The following PPFIA2 variants were observed in gnomAD, a reference collection of about 807,000 sequenced individuals.
The protein encoded by PPFIA2 is liprin-alpha-2.
Under a neutral mutation model 175.5 loss-of-function variants are expected in PPFIA2, and 46 were observed. That is an observed-to-expected ratio of 0.26 (90% confidence interval 0.21 to 0.34). The LOEUF (loss-of-function observed/expected upper bound fraction) is 0.34, where lower values mean the gene tolerates loss of function less well. PPFIA2 is among the 10% of genes least tolerant of loss of function. PPFIA2 has a pLI of 1.00. For missense variants in PPFIA2, 1,179 were observed against 1,506.1 expected (o/e 0.78, Z 3.60); for synonymous variants, 568 against 511.4 (o/e 1.11, Z -1.49).
At chr12:81,483,229 A>G (rs2146769063) in intron 4 of PPFIA2, among the ~76,000 whole-genome samples, 1 of 152,320 alleles carries the variant, frequency 6.6e-6, no homozygotes, top group Non-Finnish European at 1.5e-5. Context: ...AAATGAAAAC[A>G]CATGTCTATA....
At chr12:81,473,214 C>T (rs1457522364) in intron 4 of PPFIA2, among the ~76,000 whole-genome samples, 1 of 152,120 alleles carries the variant, frequency 6.6e-6, no homozygotes, top group African/African-American at 2.4e-5. Context: ...TCCAGACCAG[C>T]CTGGCCAACA....
chr12:81,334,583 A>G (rs1280652948), intron 21 of PPFIA2, among the ~76,000 whole-genome samples: 2 of 152,098 alleles, frequency 1.3e-5, no homozygotes, highest in East Asian at 3.9e-4. Context: ...CTTCAAGTAA[A>G]CAGATAGAAA....
At chr12:81,367,253 A>C (rs889549582) in intron 13 of PPFIA2, 83 bp from the exon 14 acceptor site, 14 of 901,172 alleles carry the variant, frequency 1.6e-5, no homozygotes, top group Non-Finnish European at 1.9e-5. Flanking sequence ...CTTATCACTC[A>C]AGAATCCTCT....
chr12:81,370,763 T>C (rs1396720546), intron 11 of PPFIA2, among the ~76,000 whole-genome samples: 1 of 151,940 alleles, frequency 6.6e-6, no homozygotes, highest in South Asian at 2.1e-4. Context: ...TGTTAGTATG[T>C]TATGCAAGGA....
At chr12:81,417,032 A>G (rs1196489266) in intron 7 of PPFIA2, among the ~76,000 whole-genome samples, 1 of 151,818 alleles carries the variant, frequency 6.6e-6, no homozygotes, top group African/African-American at 2.4e-5. Flanking sequence ...TATGTATGCT[A>G]AGAAGTATAA....
At chr12:81,262,558 A>G (rs2035963558) in intron 31 of PPFIA2, among the ~76,000 whole-genome samples, 1 of 152,200 alleles carries the variant, frequency 6.6e-6, no homozygotes, top group African/African-American at 2.4e-5. Context: ...CTTAACAAAT[A>G]GCATGGGACT....
At chr12:81,662,227 T>C (rs1196652654) in intron 4 of PPFIA2, among the ~76,000 whole-genome samples, 2 of 151,680 alleles carry the variant, frequency 1.3e-5, no homozygotes, top group African/African-American at 2.4e-5. Context: ...GATAGAGACA[T>C]AAAAAAACCC....
chr12:81,493,591 G>A (rs1005627984), intron 4 of PPFIA2, among the ~76,000 whole-genome samples: 7 of 151,718 alleles, frequency 4.6e-5, no homozygotes, highest in Non-Finnish European at 7.4e-5. Flanking sequence ...GAGATAGGGG[G>A]CAACAGCCTG....
At chr12:81,349,084 T>A (rs138169135) in intron 17 of PPFIA2, among the ~76,000 whole-genome samples, 1 of 152,184 alleles carries the variant, frequency 6.6e-6, no homozygotes, top group Admixed American at 6.6e-5. Context: ...ACGTTTACTA[T>A]GGGAAGTTGA....
At chr12:81,294,767 C>A in intron 24 of PPFIA2, 68 bp downstream of exon 24, 1 of 1,458,270 alleles carries the variant, frequency 6.9e-7, no homozygotes, top group South Asian at 1.2e-5. Context: ...CACAATTTTG[C>A]TCTGTAGACT....
chr12:81,754,261 A>C (rs1222675171), intron 2 of PPFIA2, 38 bp from the exon 3 acceptor site: 9 of 1,543,776 alleles, frequency 5.8e-6, no homozygotes, highest in Admixed American at 1.9e-5. Flanking sequence ...TTAGTAAAGA[A>C]ATGATTTCCA....
chr12:81,638,849 G>A (rs1401531161), intron 4 of PPFIA2, among the ~76,000 whole-genome samples: 2 of 150,284 alleles, frequency 1.3e-5, no homozygotes, highest in East Asian at 2.0e-4. Context: ...CACTACGCCC[G>A]GCTAATTTTT....
At chr12:81,516,617 G>A (rs1195042000) in intron 4 of PPFIA2, among the ~76,000 whole-genome samples, 1 of 152,062 alleles carries the variant, frequency 6.6e-6, no homozygotes, top group East Asian at 1.9e-4. Flanking sequence ...CACAGGGAGA[G>A]GTCATCTACA....
intron 4 of PPFIA2, among the ~76,000 whole-genome samples, chr12:81,664,103 C>T (rs946842435): frequency 6.6e-6 from 1 of 152,140 alleles, no homozygotes; most frequent in African/African-American, 2.4e-5. Context: ...AAAACCTAGG[C>T]AATACCATTC....
intron 4 of PPFIA2, among the ~76,000 whole-genome samples, chr12:81,487,273 T>G (rs1310242309): frequency 6.6e-6 from 1 of 151,902 alleles, no homozygotes; most frequent in Non-Finnish European, 1.5e-5. Context: ...AGCAACTGCT[T>G]GTTATTTGAA....
At chr12:81,390,753 T>C (rs535361642) in intron 8 of PPFIA2, among the ~76,000 whole-genome samples, 32 of 152,062 alleles carry the variant, frequency 2.1e-4, no homozygotes, top group Non-Finnish European at 3.8e-4. Flanking sequence ...TTCATGATAG[T>C]ATTCTTTGAA....
chr12:81,339,969 G>A (rs2057777453), intron 20 of PPFIA2, among the ~76,000 whole-genome samples: 1 of 151,998 alleles, frequency 6.6e-6, no homozygotes, highest in Non-Finnish European at 1.5e-5. Flanking sequence ...CAAGCAGTTG[G>A]TTAAGTTTCA....
intron 22 of PPFIA2, among the ~76,000 whole-genome samples, chr12:81,310,916 T>C (rs1214357222): frequency 1.3e-5 from 2 of 152,160 alleles, no homozygotes; most frequent in Admixed American, 6.5e-5. Flanking sequence ...CAAGAATTTG[T>C]ACTGGCATAC....
chr12:81,457,969 C>T (rs984535822), intron 4 of PPFIA2, 103 bp from the exon 5 acceptor site: 14 of 706,238 alleles, frequency 2.0e-5, no homozygotes, highest in Non-Finnish European at 3.3e-5. Flanking sequence ...AAAAATGACC[C>T]CACTGACTGG....
Sources: gnomAD v4.1 joint callset for allele counts (sites outside exome capture counted in the v4.1 genomes callset) on GRCh38, gnomAD v4.1.1 for gene constraint, MANE v1.5 for transcripts, NCBI Gene and HGNC (gene_info 2026-07-23, HGNC 2026-07-21) for gene names.